The following CNTN4 variants were observed in gnomAD, a reference collection of about 807,000 sequenced individuals.
The protein encoded by CNTN4 is contactin-4.
In CNTN4, 77 loss-of-function variants were observed where a neutral mutation model predicts 122.5. The observed-to-expected ratio is 0.63, with a 90% CI of 0.52 to 0.76. The LOEUF is 0.76. Ranked by LOEUF, CNTN4 falls within the 30% of genes least tolerant of loss-of-function variation. The pLI is 0.00. For missense variants in CNTN4, 1,256 were observed against 1,259.1 expected, an observed-to-expected ratio of 1.00 and a Z score of 0.04; for synonymous variants, 512 against 447.0, an observed-to-expected ratio of 1.15 and a Z score of -1.83.
intron 2 of CNTN4, among the ~76,000 whole-genome samples, chr3:2,319,815 G>A (rs1219285414): frequency 6.6e-6 from 1 of 152,142 alleles, no homozygotes; most frequent in Non-Finnish European, 1.5e-5. Flanking sequence ...CGTTGTTCAA[G>A]GGGCAACTGT....
At chr3:2,932,942 C>T (rs1224133168) in intron 13 of CNTN4, among the ~76,000 whole-genome samples, 1 of 152,074 alleles carries the variant, frequency 6.6e-6, no homozygotes, top group Non-Finnish European at 1.5e-5. Flanking sequence ...CTTGCCTCAG[C>T]CTCCCGAGTA....
intron 2 of CNTN4, among the ~76,000 whole-genome samples, chr3:2,267,987 A>G (rs756610780): frequency 3.7e-4 from 56 of 152,132 alleles, no homozygotes; most frequent in Non-Finnish European, 6.3e-4. Context: ...ATATGGCAGC[A>G]GTAGACAGAA....
chr3:2,676,858 G>A (rs908847440), intron 4 of CNTN4, among the ~76,000 whole-genome samples: 3 of 152,180 alleles, frequency 2.0e-5, no homozygotes, highest in African/African-American at 4.8e-5. Flanking sequence ...ATCATCCAGC[G>A]AAGACTAACT....
At chr3:2,861,122 G>T (rs1414701793) in intron 7 of CNTN4, among the ~76,000 whole-genome samples, 2 of 152,158 alleles carry the variant, frequency 1.3e-5, no homozygotes, top group Admixed American at 1.3e-4. Flanking sequence ...TTTAGGCAGG[G>T]AAGGTATTCT....
At chr3:2,391,127 C>T (rs1995210) in intron 3 of CNTN4, among the ~76,000 whole-genome samples, 24,392 of 152,114 alleles carry the variant, frequency 0.16, 2,392 homozygotes, top group Middle Eastern at 0.26. Flanking sequence ...GGGCATCTTG[C>T]TAACATGATA....
At chr3:2,212,358 G>A (rs1336424756) in intron 2 of CNTN4, among the ~76,000 whole-genome samples, 3 of 152,236 alleles carry the variant, frequency 2.0e-5, no homozygotes, top group South Asian at 2.1e-4. Flanking sequence ...AAAGACATAC[G>A]CAAGACTGGG....
chr3:2,641,544 C>T (rs2082895141), intron 4 of CNTN4, among the ~76,000 whole-genome samples: 1 of 152,184 alleles, frequency 6.6e-6, no homozygotes, highest in Non-Finnish European at 1.5e-5. Flanking sequence ...TTCCCTCCCA[C>T]TCCCAACATT....
chr3:2,191,642 C>A (rs1004342559), intron 2 of CNTN4, among the ~76,000 whole-genome samples: 3 of 151,730 alleles, frequency 2.0e-5, no homozygotes, highest in African/African-American at 7.3e-5. Flanking sequence ...GCCCCAACTG[C>A]CTACAACTGA....
chr3:2,843,539 T>C (rs1395290077), intron 7 of CNTN4, among the ~76,000 whole-genome samples: 1 of 152,140 alleles, frequency 6.6e-6, no homozygotes, highest in East Asian at 1.9e-4. Context: ...ATGTTGGAGG[T>C]GGGGCCTGGT....
intron 13 of CNTN4, among the ~76,000 whole-genome samples, chr3:2,957,622 C>T (rs997807048): frequency 1.3e-5 from 2 of 152,082 alleles, no homozygotes; most frequent in African/African-American, 4.8e-5. Context: ...CAGTTCCCAG[C>T]ATCTGTTTTT....
At chr3:2,421,279 G>C (rs1255156217) in intron 3 of CNTN4, among the ~76,000 whole-genome samples, 1 of 147,644 alleles carries the variant, frequency 6.8e-6, no homozygotes, top group Non-Finnish European at 1.5e-5. Flanking sequence ...TTGACTAGGA[G>C]TCTGGCTCTG....
intron 13 of CNTN4, among the ~76,000 whole-genome samples, chr3:2,968,940 A>G (rs555635121): frequency 6.6e-6 from 1 of 152,298 alleles, no homozygotes; most frequent in East Asian, 1.9e-4. Flanking sequence ...ATCCAACCCA[A>G]ACTGGCTTAT....
chr3:2,212,790 G>C (rs932510695), intron 2 of CNTN4, among the ~76,000 whole-genome samples: 3 of 152,168 alleles, frequency 2.0e-5, no homozygotes, highest in Non-Finnish European at 4.4e-5. Context: ...CCTGCTCTTA[G>C]AGATTCTGAT....
intron 2 of CNTN4, among the ~76,000 whole-genome samples, chr3:2,232,209 A>G (rs184833233): frequency 1.1e-4 from 17 of 152,260 alleles, no homozygotes; most frequent in South Asian, 4.1e-4. Flanking sequence ...TTTACAGTCA[A>G]TGCCTCATTT....
At position 2,582,485 on chromosome 3, in the gene CNTN4, G is replaced by A. The variant is rs868040719; in HGVS notation, c.55+10927G>A. 4.6e-5 allele frequency among the ~76,000 whole-genome samples: 7 copies of A among 152,230 alleles called. No individual in the cohort carries two copies. In the Middle Eastern group the frequency reaches 0.01, roughly 222 times the overall value. Reference sequence around the variant, plus strand: ...GAAGGTGGCTGGGATTGGGGGCGGCGGGGAGGGGCAGTCACTGGTCTCTTA... The same window carrying A: ...GAAGGTGGCTGGGATTGGGGGCGGCAGGGAGGGGCAGTCACTGGTCTCTTA... On this transcript the variant is annotated intron_variant, in intron 4 of 24. Transcript: ENST00000418658.
At chr3:2,473,410 GTTAAT>G (rs1205433795) in intron 3 of CNTN4, among the ~76,000 whole-genome samples, 1 of 151,974 alleles carries the variant, frequency 6.6e-6, no homozygotes, top group East Asian at 1.9e-4. Flanking sequence ...CCATTGTAAA[GTTAAT>G]TTATTTGCCC....
At chr3:2,485,009 G>C (rs1021457832) in intron 3 of CNTN4, among the ~76,000 whole-genome samples, 1 of 152,226 alleles carries the variant, frequency 6.6e-6, no homozygotes, top group Non-Finnish European at 1.5e-5. Flanking sequence ...AGAGCAGCGG[G>C]CTGGTGCCAC....
chr3:2,526,579 C>A (rs1229845200), intron 3 of CNTN4, among the ~76,000 whole-genome samples: 1 of 152,072 alleles, frequency 6.6e-6, no homozygotes. Flanking sequence ...TAAGAAAAAA[C>A]TTGATTTACC....
chr3:2,319,131 G>A (rs2150197018), intron 2 of CNTN4, among the ~76,000 whole-genome samples: 1 of 152,192 alleles, frequency 6.6e-6, no homozygotes, highest in South Asian at 2.1e-4. Flanking sequence ...GATTCAAAAG[G>A]AAGAGGAAAG....
Sources: allele counts gnomAD v4.1 joint callset (sites outside exome capture counted in the v4.1 genomes callset), GRCh38; gene constraint gnomAD v4.1.1; transcripts MANE v1.5; gene names NCBI Gene and HGNC (gene_info 2026-07-23, HGNC 2026-07-21).